ASXL3: variants seen among roughly 807,000 people sequenced by gnomAD.
ASXL3 encodes putative Polycomb group protein ASXL3.
A neutral mutation model predicts 170.6 loss-of-function variants in ASXL3; 34 were observed. The ratio of observed to expected loss-of-function variants is 0.20; its 90% CI spans 0.15 to 0.27. ASXL3 has a LOEUF of 0.27. ASXL3 is among the 10% of genes least tolerant of loss of function. ASXL3 has a pLI of 1.00. For synonymous variants in ASXL3, 1,002 were observed against 989.1 expected (o/e 1.01, Z -0.24); for missense variants, 2,592 against 2,695.3 (o/e 0.96, Z 0.85).
chr18:33,745,068 G>A lies in ASXL3; in HGVS notation c.5220G>A (p.Leu1740=). The change falls in exon 12 of 12, where the codon CTG becomes CTA. Residue 1740 remains leucine, a synonymous_variant. Coordinates refer to ENST00000269197, the MANE Select transcript of ASXL3 (RefSeq NM_030632.3). ...GTGCAGGGAGCTCAGGCTGTCGTCT[G>A]TCCTCTGTGGAGGCTAACAATCCGC... ...VPGAGSSGCR[L]SSVEANNPLV... 2 of 1,614,022 alleles carry A rather than the reference G, an allele frequency of 1.2e-6. No homozygotes were observed. The highest frequency in any genetic ancestry group is 1.7e-6 in the Non-Finnish European group (2 of 1,179,898).
chr18:33,640,963 GA>G (rs1256339904), intron 2 of ASXL3, among the ~76,000 whole-genome samples: 5 of 151,682 alleles, frequency 3.3e-5, no homozygotes, highest in African/African-American at 1.2e-4. Context: ...TTTTTATTAA[GA>G]CATAACAATA....
chr18:33,689,283 C>T (rs948880008), intron 8 of ASXL3, among the ~76,000 whole-genome samples: 6 of 152,184 alleles, frequency 3.9e-5, no homozygotes, highest in Admixed American at 1.3e-4. Flanking sequence ...CATTAGCCAC[C>T]GCGCTCAGCC....
chr18:33,635,556 C>G (rs1261010154), intron 2 of ASXL3, among the ~76,000 whole-genome samples: 1 of 152,134 alleles, frequency 6.6e-6, no homozygotes, highest in African/African-American at 2.4e-5. Flanking sequence ...ATTTCTGTAT[C>G]TGTTTTTGAA....
At chr18:33,731,755 T>C (rs1213285880) in intron 8 of ASXL3, among the ~76,000 whole-genome samples, 2 of 152,108 alleles carry the variant, frequency 1.3e-5, no homozygotes, top group Non-Finnish European at 2.9e-5. Context: ...ACCAATCTTT[T>C]GTTGGGTCCC....
intron 7 of ASXL3, among the ~76,000 whole-genome samples, chr18:33,680,673 A>G (rs921962714): frequency 2.6e-5 from 4 of 152,028 alleles, no homozygotes; most frequent in African/African-American, 9.7e-5. Flanking sequence ...ATTCCCAGTA[A>G]ATTATTCCTT....
chr18:33,732,711 C>G (rs1014646689), intron 9 of ASXL3, among the ~76,000 whole-genome samples: 5 of 151,984 alleles, frequency 3.3e-5, no homozygotes, highest in African/African-American at 1.2e-4. Context: ...AAAAATCAGC[C>G]AGGCATGGTG....
chr18:33,586,645 C>T (rs139002908), intron 1 of ASXL3, among the ~76,000 whole-genome samples: 1 of 152,070 alleles, frequency 6.6e-6, no homozygotes, highest in Non-Finnish European at 1.5e-5. Context: ...GTTTCCTCCC[C>T]CTCCTCTTTA....
chr18:33,588,630 G>A (rs946365327), intron 1 of ASXL3, among the ~76,000 whole-genome samples: 1 of 152,074 alleles, frequency 6.6e-6, no homozygotes, highest in African/African-American at 2.4e-5. Flanking sequence ...TGCACCCCAT[G>A]TTGAAGATTA....
intron 4 of ASXL3, among the ~76,000 whole-genome samples, chr18:33,654,190 A>G (rs185621776): frequency 4.6e-5 from 7 of 152,214 alleles, no homozygotes; most frequent in Admixed American, 1.3e-4. Context: ...GATCAAGAAC[A>G]GAATATGATC....
chr18:33,634,816 C>G (rs2065739860), intron 2 of ASXL3, among the ~76,000 whole-genome samples: 1 of 152,158 alleles, frequency 6.6e-6, no homozygotes, highest in East Asian at 1.9e-4. Flanking sequence ...GTTCCGAGCA[C>G]TCAAACCTGG....
At chr18:33,735,853 G>A (rs1296108726) in intron 10 of ASXL3, among the ~76,000 whole-genome samples, 1 of 152,118 alleles carries the variant, frequency 6.6e-6, no homozygotes, top group Non-Finnish European at 1.5e-5. Context: ...TCTCTTGGAT[G>A]CCAGGGATGC....
chr18:33,683,917 G>A (rs966190740), intron 8 of ASXL3, among the ~76,000 whole-genome samples: 2 of 152,068 alleles, frequency 1.3e-5, no homozygotes, highest in African/African-American at 4.8e-5. Flanking sequence ...TAAAAAGCCA[G>A]GGTTTCTAAA....
At chr18:33,717,333 G>A (rs542493411) in intron 8 of ASXL3, among the ~76,000 whole-genome samples, 5 of 152,136 alleles carry the variant, frequency 3.3e-5, no homozygotes, top group African/African-American at 1.2e-4. Context: ...CATTTTAAGG[G>A]CATATTTGAG....
At chr18:33,741,566 T>C (rs905731024) in intron 11 of ASXL3, among the ~76,000 whole-genome samples, 2 of 152,188 alleles carry the variant, frequency 1.3e-5, no homozygotes, top group Non-Finnish European at 2.9e-5. Context: ...GCAAATTGAA[T>C]CTTCTCCTCA....
chr18:33,708,220 G>A (rs1004311639), intron 8 of ASXL3, among the ~76,000 whole-genome samples: 2 of 152,222 alleles, frequency 1.3e-5, no homozygotes, highest in East Asian at 3.9e-4. Context: ...AACTATACTC[G>A]TAAAGTTAGC....
At chr18:33,665,623 T>C (rs1192408626) in intron 5 of ASXL3, among the ~76,000 whole-genome samples, 1 of 152,218 alleles carries the variant, frequency 6.6e-6, no homozygotes, top group Non-Finnish European at 1.5e-5. Context: ...TTGCTTAAAA[T>C]TCCAAGTTAA....
In ASXL3 at chr18:33,739,950, C is replaced by T. The variant is rs1370844206; in HGVS notation, c.2546C>T (p.Pro849Leu). The T allele has an allele frequency of 6.2e-7, 1 of 1,613,816 alleles. No individual in the cohort carries two copies. The highest frequency in any genetic ancestry group is 1.7e-5 in the Admixed American group (1 of 59,998). The change falls in exon 11 of 12, where the codon CCT (proline) becomes CTT (leucine). Residue 849 changes from proline to leucine, a missense_variant. Pro to Leu is a moderately conservative substitution (Grantham distance 98, BLOSUM62 -3). Transcript: ENST00000269197. ...KSHVDTEKPY[P>L]ASIPELASTE... ...CATGTTGACACTGAGAAGCCCTACC[C>T]TGCTTCAATTCCAGAACTTGCTTCT...
chr18:33,584,059 G>A (rs80329724), intron 1 of ASXL3, among the ~76,000 whole-genome samples: 280 of 152,240 alleles, frequency 1.8e-3, no homozygotes, highest in African/African-American at 6.5e-3. Context: ...TTTACAGAAG[G>A]GAAAAGCTAT....
At chr18:33,730,516 G>C (rs967780406) in intron 8 of ASXL3, among the ~76,000 whole-genome samples, 2 of 152,158 alleles carry the variant, frequency 1.3e-5, no homozygotes, top group Non-Finnish European at 2.9e-5. Flanking sequence ...CCACACTGCA[G>C]AGGATAGTGT....
Sources: gnomAD v4.1 joint callset for allele counts (sites outside exome capture counted in the v4.1 genomes callset) on GRCh38, gnomAD v4.1.1 for gene constraint, MANE v1.5 for transcripts, NCBI Gene and HGNC (gene_info 2026-07-23, HGNC 2026-07-21) for gene names.